Variants in CCDC73 observed in about 807,000 individuals in gnomAD.
CCDC73 encodes the protein coiled-coil domain-containing protein 73.
A neutral mutation model predicts 116.5 loss-of-function variants in CCDC73; 95 were observed. That is an observed-to-expected ratio of 0.82 (90% CI 0.69 to 0.97). The LOEUF (loss-of-function observed/expected upper bound fraction) is 0.97, where lower values mean the gene tolerates loss of function less well. CCDC73 is among the 50% of genes least tolerant of loss of function. The probability of loss-of-function intolerance (pLI) is 0.00; values close to 1 mark genes in which losing one functional copy is unlikely to be tolerated. For synonymous variants in CCDC73, 398 were observed against 401.3 expected (o/e 0.99, Z 0.10); for missense variants, 1,066 against 1,206.8 (o/e 0.88, Z 1.73).
chr11:32,738,515 T>C (rs1407391654), intron 2 of CCDC73, among the ~76,000 whole-genome samples: 2 of 152,204 alleles, frequency 1.3e-5, no homozygotes, highest in African/African-American at 2.4e-5. Context: ...TTGAGAAATA[T>C]TCAGATCTTT....
intron 9 of CCDC73, among the ~76,000 whole-genome samples, chr11:32,663,272 C>T (rs911358751): frequency 2.0e-5 from 3 of 152,156 alleles, no homozygotes; most frequent in Admixed American, 1.3e-4. Flanking sequence ...TTACCTTTGG[C>T]AGTATGGCCA....
At chr11:32,678,909 TAC>T (rs1239710719) in intron 7 of CCDC73, among the ~76,000 whole-genome samples, 20 of 149,534 alleles carry the variant, frequency 1.3e-4, no homozygotes, top group African/African-American at 4.9e-4. Context: ...TATATATATA[TAC>T]ACACACACAC....
the CCDC73 span, among the ~76,000 whole-genome samples, chr11:32,827,693 C>A: frequency 2.6e-5 from 4 of 152,184 alleles, no homozygotes; most frequent in African/African-American, 9.7e-5. Context: ...ATGTAGAAAG[C>A]ACTCCCCTGG....
intron 2 of CCDC73, among the ~76,000 whole-genome samples, chr11:32,721,605 T>C (rs1849990276): frequency 6.6e-6 from 1 of 151,806 alleles, no homozygotes. Context: ...ACTTTTTTTT[T>C]TTTTTTGAGA....
rs554593745 is a variant in CCDC73 at position 32,745,233 on chromosome 11, C to T, written c.135+14876G>A. ...AGCAGTTTTGAGTGAGTTTCTTAAT[C>T]CTGAGTTCTAATTTGATTGCCCTGT... On this transcript the variant is annotated intron_variant, in intron 2 of 17. Transcript: ENST00000335185. Among the ~76,000 whole-genome samples the T allele has an allele frequency of 2.5e-4, 38 of 152,264 alleles. No homozygotes were observed. The South Asian group carries it at 7.9e-3, about 32-fold the overall frequency.
chr11:32,812,401 C>T, the CCDC73 span, among the ~76,000 whole-genome samples: 4 of 152,178 alleles, frequency 2.6e-5, no homozygotes, highest in Admixed American at 2.6e-4. Flanking sequence ...CGCAGTGGCT[C>T]ACACCTGTAA....
At chr11:32,830,108 C>T in the CCDC73 span, 1 of 992,632 alleles carries the variant, frequency 1.0e-6, no homozygotes, top group Non-Finnish European at 1.2e-6. Flanking sequence ...GCCTGGCGGC[C>T]GAAGGAACCG....
intron 13 of CCDC73, among the ~76,000 whole-genome samples, chr11:32,637,179 C>T (rs567060466): frequency 3.4e-4 from 52 of 151,966 alleles, no homozygotes; most frequent in African/African-American, 1.3e-3. Context: ...ACCACCACGC[C>T]CAGCTAATTT....
At chr11:32,761,462 T>C (rs1848162584) in intron 1 of CCDC73, among the ~76,000 whole-genome samples, 1 of 152,068 alleles carries the variant, frequency 6.6e-6, no homozygotes, top group Admixed American at 6.6e-5. Flanking sequence ...AAGAGTAAAA[T>C]TGTTGGGTTG....
At chr11:32,658,790 T>C (rs1003210068) in intron 9 of CCDC73, among the ~76,000 whole-genome samples, 2 of 151,660 alleles carry the variant, frequency 1.3e-5, no homozygotes, top group African/African-American at 2.4e-5. Flanking sequence ...AAAAAAAATA[T>C]AATAGACTGA....
intron 9 of CCDC73, among the ~76,000 whole-genome samples, chr11:32,665,426 C>T (rs1855971325): frequency 6.6e-6 from 1 of 152,082 alleles, no homozygotes; most frequent in South Asian, 2.1e-4. Context: ...CCTTCTTTGT[C>T]CCTTTTGATC....
chr11:32,698,011 ATTTTTTTTTTTTTTTTTTTT>A (rs869153507), intron 6 of CCDC73, among the ~76,000 whole-genome samples: 1 of 18,864 alleles, frequency 5.3e-5, no homozygotes, highest in Non-Finnish European at 1.1e-4. Context: ...CTAACACTGA[ATTTTTTTTTTTTTTTTTTTT>A]TTTTTTTTTT....
At chr11:32,704,576 C>T (rs978471426) in intron 3 of CCDC73, among the ~76,000 whole-genome samples, 3 of 152,186 alleles carry the variant, frequency 2.0e-5, no homozygotes, top group Non-Finnish European at 4.4e-5. Context: ...CTACAGACAG[C>T]ATGTTGATGG....
intron 15 of CCDC73, 145 bp from the exon 16 acceptor site, chr11:32,615,087 T>C: frequency 1.9e-6 from 1 of 514,380 alleles, no homozygotes; most frequent in African/African-American, 1.9e-5. Flanking sequence ...ATGACATCAA[T>C]ATTACCTAAA....
chr11:32,764,940 C>CA (rs1246458989), intron 1 of CCDC73, among the ~76,000 whole-genome samples: 4 of 151,036 alleles, frequency 2.6e-5, no homozygotes, highest in African/African-American at 2.4e-5. Flanking sequence ...AAATGGAAAA[C>CA]AAAAAAAAGC....
At chr11:32,712,312 AG>A (rs1849907534) in intron 3 of CCDC73, among the ~76,000 whole-genome samples, 2 of 152,148 alleles carry the variant, frequency 1.3e-5, no homozygotes, top group African/African-American at 4.8e-5. Flanking sequence ...AAGGGTACAA[AG>A]TTCCAGTTAG....
chr11:32,678,679 T>C (rs1450587939), intron 7 of CCDC73, among the ~76,000 whole-genome samples: 2 of 151,906 alleles, frequency 1.3e-5, no homozygotes, highest in Admixed American at 6.5e-5. Flanking sequence ...AGGTCAGGAG[T>C]TCGAGACCAG....
rs200606807 is a variant in CCDC73 at position 32,737,231 on chromosome 11, C to CTGTGTGTG, written c.136-19092_136-19085dup. 1.9e-3 allele frequency among the ~76,000 whole-genome samples: 265 copies of CTGTGTGTG among 137,638 alleles called. 1 individual carries two copies. Among genetic ancestry groups the CTGTGTGTG allele is most frequent in the Middle Eastern group, 7.0e-3 (2 of 284 alleles). The allele number at this position is 137,638 out of a possible 152,430, so 90.3% of individuals were successfully genotyped here. A position where few individuals can be genotyped will look rare whatever the true frequency, so the allele number is the denominator to read the frequency against. ...TAATATCTGTGGGTACATAGTAGGG[C>CTGTGTGTG]TGTGTGTGTGTGTGTGTGTGTGTGT... On this transcript the variant is annotated intron_variant, in intron 2 of 17. Transcript: ENST00000335185.
Position 32,690,486 on chromosome 11 carries a change from C to A in CCDC73, c.391-6912G>T, listed in dbSNP as rs377302008. Among the ~76,000 whole-genome samples, 91 of 152,286 alleles carry A rather than the reference C, an allele frequency of 6.0e-4. 1 individual carries two copies. The East Asian group carries it at 0.013, about 23-fold the overall frequency. On this transcript the variant is annotated intron_variant, in intron 6 of 17. Coordinates refer to ENST00000335185, the MANE Select transcript of CCDC73 (RefSeq NM_001008391.4). Reference sequence around the variant, plus strand: ...CCCAAATCTCATGTCAAATTGTAATCCCCACGTTGTTGGAGGAGGGGCCTG... The same window carrying A: ...CCCAAATCTCATGTCAAATTGTAATACCCACGTTGTTGGAGGAGGGGCCTG...
Sources: allele counts gnomAD v4.1 joint callset (sites outside exome capture counted in the v4.1 genomes callset), GRCh38; gene constraint gnomAD v4.1.1; transcripts MANE v1.5; gene names NCBI Gene and HGNC (gene_info 2026-07-23, HGNC 2026-07-21).